Variants in NFIA observed in about 807,000 individuals in gnomAD.
The protein encoded by NFIA is nuclear factor I A.
A neutral mutation model predicts 62.8 loss-of-function variants in NFIA; 8 were observed. That is an observed-to-expected ratio of 0.13 (90% CI 0.07 to 0.23). The LOEUF (loss-of-function observed/expected upper bound fraction) is 0.23, where lower values mean the gene tolerates loss of function less well. Among genes scored for constraint, NFIA ranks in the 10% least tolerant of loss-of-function variants. The probability of loss-of-function intolerance (pLI) is 1.00; values close to 1 mark genes in which losing one functional copy is unlikely to be tolerated. For missense variants in NFIA, 410 were observed against 642.1 expected, an observed-to-expected ratio of 0.64 and a Z score of 3.91; for synonymous variants, 235 against 238.1, an observed-to-expected ratio of 0.99 and a Z score of 0.12.
rs148980755 is a variant in NFIA at position 61,353,353 on chromosome 1, G to A, written c.818+786G>A. On this transcript the variant is annotated intron_variant, in intron 5 of 10. Transcript: ENST00000403491. ...TTCTGGGGTTCTTGCTCCCTTTAAC[G>A]TCACAAAGCCAAAATCAAAATGAAG... Among the ~76,000 whole-genome samples the A allele has an allele frequency of 2.7e-3, 405 of 152,164 alleles. 3 individuals carry two copies. Among genetic ancestry groups the A allele is most frequent in the African/African-American group, 9.1e-3 (378 of 41,508 alleles).
intron 2 of NFIA, among the ~76,000 whole-genome samples, chr1:61,242,549 A>T (rs1655408741): frequency 6.6e-6 from 1 of 152,202 alleles, no homozygotes; most frequent in South Asian, 2.1e-4. Context: ...GGTAGTTTGA[A>T]GAATGACCTA....
chr1:61,296,711 G>A (rs1040135282), intron 3 of NFIA, among the ~76,000 whole-genome samples: 5 of 151,984 alleles, frequency 3.3e-5, no homozygotes, highest in Non-Finnish European at 7.4e-5. Flanking sequence ...CCTCGTCATA[G>A]TCCTTACCCA....
At chr1:61,321,852 T>G (rs1235101992) in intron 3 of NFIA, among the ~76,000 whole-genome samples, 1 of 152,190 alleles carries the variant, frequency 6.6e-6, no homozygotes, top group East Asian at 1.9e-4. Flanking sequence ...CTTTAATTGC[T>G]CAATCACTTG....
chr1:61,297,581 C>G (rs1417900654), intron 3 of NFIA, among the ~76,000 whole-genome samples: 1 of 152,136 alleles, frequency 6.6e-6, no homozygotes, highest in Admixed American at 6.5e-5. Flanking sequence ...ACCTGAGTTT[C>G]CTATTTTAAC....
intron 3 of NFIA, among the ~76,000 whole-genome samples, chr1:61,294,219 A>G (rs1659060962): frequency 6.6e-6 from 1 of 152,254 alleles, no homozygotes. Context: ...TCTTCACATG[A>G]AATCTTCCCA....
chr1:61,179,862 A>G (rs1201547123), intron 2 of NFIA, among the ~76,000 whole-genome samples: 1 of 152,162 alleles, frequency 6.6e-6, no homozygotes, highest in Non-Finnish European at 1.5e-5. Flanking sequence ...ACAACCCCAT[A>G]TATCAAGCAC....
At chr1:61,282,668 C>A (rs1175677657) in intron 3 of NFIA, among the ~76,000 whole-genome samples, 1 of 152,170 alleles carries the variant, frequency 6.6e-6, no homozygotes, top group South Asian at 2.1e-4. Context: ...AACACACCCC[C>A]ACTGGCTCTC....
At chr1:61,397,008 A>T (rs923330086) in intron 7 of NFIA, among the ~76,000 whole-genome samples, 10 of 151,704 alleles carry the variant, frequency 6.6e-5, no homozygotes, top group African/African-American at 2.4e-4. Context: ...TCTCCAAAAA[A>T]AAAAATAATA....
chr1:61,200,244 T>TCTTGTG (rs1182710087), intron 2 of NFIA, among the ~76,000 whole-genome samples: 2 of 151,492 alleles, frequency 1.3e-5, no homozygotes, highest in African/African-American at 4.8e-5. Flanking sequence ...AGCGTCATGA[T>TCTTGTG]CTTGTGCAAA....
intron 4 of NFIA, among the ~76,000 whole-genome samples, chr1:61,336,102 A>G (rs1314846401): frequency 6.6e-6 from 1 of 152,050 alleles, no homozygotes; most frequent in East Asian, 1.9e-4. Context: ...TTTTTCCTTT[A>G]TTCTACTCAG....
intron 9 of NFIA, among the ~76,000 whole-genome samples, chr1:61,425,901 G>A (rs1666842397): frequency 6.6e-6 from 1 of 152,190 alleles, no homozygotes; most frequent in Non-Finnish European, 1.5e-5. Context: ...AAAGATTCTA[G>A]ACACTACAGG....
intron 3 of NFIA, among the ~76,000 whole-genome samples, chr1:61,281,816 T>C (rs1160724009): frequency 6.6e-6 from 1 of 152,168 alleles, no homozygotes; most frequent in Non-Finnish European, 1.5e-5. Flanking sequence ...GACAAATTCC[T>C]TTTAAAAAAA....
rs79282873 is a variant in NFIA, at chr1:61,212,498, T to G, written c.560-65022T>G. On this transcript the variant is annotated intron_variant, in intron 2 of 10. Transcript: ENST00000403491. ...TCTTAAAGCTTTTTGAATAATTGAATTAATGAATAAAATTTATAAAGTTTT... is the reference window on the plus strand; with the variant it reads ...TCTTAAAGCTTTTTGAATAATTGAAGTAATGAATAAAATTTATAAAGTTTT... 5.3e-5 allele frequency among the ~76,000 whole-genome samples: 8 copies of G among 152,342 alleles called. No homozygotes were observed. The East Asian group carries it at 1.5e-3, about 29-fold the overall frequency.
intron 10 of NFIA, among the ~76,000 whole-genome samples, chr1:61,452,372 G>A (rs2499540): frequency 0.85 from 129,566 of 152,196 alleles, 55,750 homozygotes; most frequent in East Asian, 1. Flanking sequence ...CCAACTTCCT[G>A]TTCTGGAAAA....
At chr1:61,170,148 C>G (rs1449291343) in intron 2 of NFIA, among the ~76,000 whole-genome samples, 1 of 152,090 alleles carries the variant, frequency 6.6e-6, no homozygotes, top group Admixed American at 6.5e-5. Context: ...CCTGGAGATC[C>G]TCATGCATAG....
In NFIA at chr1:61,389,726, C is replaced by G. The variant is rs866607512; in HGVS notation, c.1075+6361C>G. Reference sequence around the variant, plus strand: ...AGATCTTTTGATAATCATAATATAACCTGTGCCATCACACTGAGTTTTTTT... The same window carrying G: ...AGATCTTTTGATAATCATAATATAAGCTGTGCCATCACACTGAGTTTTTTT... On this transcript the variant is annotated intron_variant, in intron 7 of 10. Transcript: ENST00000403491. Among the ~76,000 whole-genome samples, 7 of 146,374 alleles carry G rather than the reference C, an allele frequency of 4.8e-5. No individual in the cohort carries two copies. The South Asian group carries it at 1.6e-3, about 33-fold the overall frequency.
intron 2 of NFIA, among the ~76,000 whole-genome samples, chr1:61,144,080 T>G (rs1647741652): frequency 6.6e-6 from 1 of 152,254 alleles, no homozygotes; most frequent in African/African-American, 2.4e-5. Flanking sequence ...AAGTAGATTG[T>G]TCTAGATACA....
chr1:61,218,289 G>A (rs1451947567), intron 2 of NFIA, among the ~76,000 whole-genome samples: 2 of 152,198 alleles, frequency 1.3e-5, no homozygotes, highest in Admixed American at 1.3e-4. Context: ...TAATGGAAAT[G>A]GGGGTTCTTC....
At chr1:61,175,191 G>C (rs1236991684) in intron 2 of NFIA, among the ~76,000 whole-genome samples, 1 of 151,804 alleles carries the variant, frequency 6.6e-6, no homozygotes, top group African/African-American at 2.4e-5. Flanking sequence ...GCCCAGGCTG[G>C]AGTACAGTGA....
Sources: gnomAD v4.1 joint callset for allele counts (sites outside exome capture counted in the v4.1 genomes callset) on GRCh38, gnomAD v4.1.1 for gene constraint, MANE v1.5 for transcripts, NCBI Gene and HGNC (gene_info 2026-07-23, HGNC 2026-07-21) for gene names.